Variants in JAKMIP1 observed in about 807,000 individuals in gnomAD.
JAKMIP1 encodes janus kinase and microtubule interacting protein 1, also known as janus kinase and microtubule-interacting protein 1.
A neutral mutation model predicts 113.0 loss-of-function variants in JAKMIP1; 33 were observed. The observed-to-expected ratio is 0.29, with a 90% CI of 0.22 to 0.39. The LOEUF (loss-of-function observed/expected upper bound fraction) is 0.39, where lower values mean the gene tolerates loss of function less well. Among genes scored for constraint, JAKMIP1 ranks in the 10% least tolerant of loss-of-function variants. JAKMIP1 has a pLI of 1.00. For missense variants in JAKMIP1, 813 were observed against 1,080.5 expected (o/e 0.75, Z 3.47); for synonymous variants, 480 against 459.9 (o/e 1.04, Z -0.56).
rs534861170 is a variant in JAKMIP1, at chr4:6,162,367, T to C, written c.-148+37886A>G. On this transcript the variant is annotated intron_variant, in intron 1 of 20. Coordinates refer to ENST00000409021, the MANE Select transcript of JAKMIP1 (RefSeq NM_001099433.2). The surrounding 1 kb of genome is among the most constrained non-coding windows in gnomAD (Gnocchi z 5.6). ...AAGGCAGCCAGAGCCTGGGAAACTC[T>C]CGGCACCCATTTTAGCCCAACCCTG... Among the ~76,000 whole-genome samples, 14 of 152,228 alleles carry C rather than the reference T, an allele frequency of 9.2e-5. No individual in the cohort carries two copies. The highest frequency in any genetic ancestry group is 3.1e-4 in the African/African-American group (13 of 41,544).
At chr4:6,112,592 G>T in intron 2 of JAKMIP1, 130 bp downstream of exon 2, 1 of 1,094,734 alleles carries the variant, frequency 9.1e-7, no homozygotes, top group Non-Finnish European at 1.3e-6. Flanking sequence ...CAGACAGCAG[G>T]GCAGAGAGGT....
At position 6,050,694 on chromosome 4, in the gene JAKMIP1, C is replaced by T. The variant is rs759171820; in HGVS notation, c.1807-15G>A. 12 of 1,541,176 alleles carry T rather than the reference C, an allele frequency of 7.8e-6. No individual in the cohort carries two copies. In the South Asian group the frequency reaches 9.5e-5, roughly 12 times the overall value. On this transcript the variant is annotated splice_polypyrimidine_tract_variant and intron_variant, in intron 13 of 20. Coordinates refer to ENST00000409021, the MANE Select transcript of JAKMIP1 (RefSeq NM_001099433.2). The surrounding 1 kb of genome is among the most constrained non-coding windows in gnomAD (Gnocchi z 7.4). ...CTCTCTCTCTCCTGGGGAAAAGATT[C>T]GGTTTAAAAACAGAATGTGACCGGA...
At position 6,076,460 on chromosome 4, in the gene JAKMIP1, G is replaced by T. The variant is rs1265297276; in HGVS notation, c.1302+2479C>A. On this transcript the variant is annotated intron_variant, in intron 8 of 20. Coordinates refer to ENST00000409021, the MANE Select transcript of JAKMIP1 (RefSeq NM_001099433.2). The surrounding 1 kb of genome is among the most constrained non-coding windows in gnomAD (Gnocchi z 4.8). ...TGAAAAAATAATACCAACTATATGG[G>T]GTGGCTGTGAGAATTCAATGAGATT... Among the ~76,000 whole-genome samples the T allele has an allele frequency of 6.6e-6, 1 of 151,932 alleles. No individual in the cohort carries two copies. The highest frequency in any genetic ancestry group is 1.5e-5 in the Non-Finnish European group (1 of 68,018).
rs1716870816 is a variant in JAKMIP1, at chr4:6,059,002, T to G, written c.1644+1422A>C. On this transcript the variant is annotated intron_variant, in intron 11 of 20. Transcript: ENST00000409021. This position sits in a 1 kb window ranked among gnomAD's most constrained non-coding sequence, Gnocchi z 4.8. ...CTGCTTAATGTGTTAGGTATTATTATTAGCCCCATTTTAAAGATGAGGAAA... is the reference window on the plus strand; with the variant it reads ...CTGCTTAATGTGTTAGGTATTATTAGTAGCCCCATTTTAAAGATGAGGAAA... Among the ~76,000 whole-genome samples, 1 of 152,204 alleles carries G rather than the reference T, an allele frequency of 6.6e-6. No homozygotes were observed. Among genetic ancestry groups the G allele is most frequent in the African/African-American group, 2.4e-5 (1 of 41,442 alleles).
rs1485059071 is a variant in JAKMIP1, at chr4:6,150,829, C to T, written c.-147-37832G>A. On this transcript the variant is annotated intron_variant, in intron 1 of 20. Coordinates refer to ENST00000409021, the MANE Select transcript of JAKMIP1 (RefSeq NM_001099433.2). This position sits in a 1 kb window ranked among gnomAD's most constrained non-coding sequence, Gnocchi z 4.8. ...TCCGCATCCCAGCTTCAAGCTCCTC[C>T]ACTTGAGCAAGACAGTAATAATGTC... is the stretch of plus-strand genomic sequence containing the variant. Among the ~76,000 whole-genome samples, 1 of 152,186 alleles carries T rather than the reference C, an allele frequency of 6.6e-6. No homozygotes were observed. Among genetic ancestry groups the T allele is most frequent in the African/African-American group, 2.4e-5 (1 of 41,446 alleles).
chr4:6,049,410 G>A lies in JAKMIP1; in HGVS notation c.1962+409C>T, dbSNP rs1016748922. On this transcript the variant is annotated intron_variant, in intron 15 of 20. Transcript: ENST00000409021. This position sits in a 1 kb window ranked among gnomAD's most constrained non-coding sequence, Gnocchi z 7.0. ...GCTCCCTCTCGCTAATGGGGCCAGC[G>A]CCTCAGGCAGACAGCTCCTGTCCCT... Among the ~76,000 whole-genome samples, 3 of 152,190 alleles carry A rather than the reference G, an allele frequency of 2.0e-5. No individual in the cohort carries two copies. The highest frequency in any genetic ancestry group is 2.1e-4 in the South Asian group (1 of 4,828).
chr4:6,095,053 G>A (rs1711518542), intron 3 of JAKMIP1, among the ~76,000 whole-genome samples: 1 of 137,048 alleles, frequency 7.3e-6, no homozygotes, highest in Admixed American at 7.8e-5. Flanking sequence ...GAGGAAGGAA[G>A]GAAAGAAGGA....
chr4:6,093,695 T>G lies in JAKMIP1; in HGVS notation c.625-8066A>C, dbSNP rs979379336. On this transcript the variant is annotated intron_variant, in intron 3 of 20. Transcript: ENST00000409021. The surrounding 1 kb of genome is among the most constrained non-coding windows in gnomAD (Gnocchi z 4.6). ...TGTATTACAATGAATGATGTCCACC[T>G]GTACAGGGAGGTGTGGCTGCCGTGC... 1.8e-4 allele frequency among the ~76,000 whole-genome samples: 27 copies of G among 152,184 alleles called. No individual in the cohort carries two copies. Among genetic ancestry groups the G allele is most frequent in the Admixed American group, 1.6e-3 (25 of 15,280 alleles).
At position 6,093,301 on chromosome 4, in the gene JAKMIP1, G is replaced by A. The variant is rs1364285605; in HGVS notation, c.625-7672C>T. Among the ~76,000 whole-genome samples, 11 of 152,190 alleles carry A rather than the reference G, an allele frequency of 7.2e-5. No homozygotes were observed. The highest frequency in any genetic ancestry group is 2.9e-5 in the Non-Finnish European group (2 of 68,032). On this transcript the variant is annotated intron_variant, in intron 3 of 20. Transcript: ENST00000409021. The surrounding 1 kb of genome is among the most constrained non-coding windows in gnomAD (Gnocchi z 4.6). ...TAATCTGCTCACACTCCAGTTAACT[G>A]TAAGCGCTTTGCTGCCTGGAATCGT...
intron 1 of JAKMIP1, among the ~76,000 whole-genome samples, chr4:6,126,135 A>ATG (rs1717527945): frequency 6.8e-6 from 1 of 146,276 alleles, no homozygotes; most frequent in African/African-American, 2.6e-5. Context: ...AAACACACAA[A>ATG]CACAAACACA....
intron 13 of JAKMIP1, chr4:6,053,849 G>A (rs1235840679): frequency 2.4e-5 from 34 of 1,402,572 alleles, no homozygotes; most frequent in Admixed American, 2.3e-4. Flanking sequence ...GGGTGAGCAC[G>A]CTCTCCAGAA....
chr4:6,043,487 C>T (rs1250545338), intron 16 of JAKMIP1, among the ~76,000 whole-genome samples: 34 of 152,022 alleles, frequency 2.2e-4, no homozygotes, highest in Admixed American at 2.2e-3. Context: ...ATGTCTCATA[C>T]CCAGATCTGC....
At chr4:6,173,687 T>C (rs1039504957) in intron 1 of JAKMIP1, among the ~76,000 whole-genome samples, 6 of 152,246 alleles carry the variant, frequency 3.9e-5, no homozygotes, top group African/African-American at 1.4e-4. Flanking sequence ...TGTGTATTTC[T>C]ATCCTTGTGG....
intron 12 of JAKMIP1, among the ~76,000 whole-genome samples, chr4:6,055,760 G>T (rs1205339694): frequency 6.6e-6 from 1 of 151,518 alleles, no homozygotes; most frequent in African/African-American, 2.4e-5. Context: ...TTTCTGCAGG[G>T]TATCCCCAAA....
At chr4:6,110,630 G>C (rs930691910) in intron 2 of JAKMIP1, among the ~76,000 whole-genome samples, 2 of 143,354 alleles carry the variant, frequency 1.4e-5, no homozygotes, top group African/African-American at 5.1e-5. Context: ...GGTCATGTGA[G>C]CGTATGACAG....
chr4:6,084,749 G>C (rs183219741), intron 5 of JAKMIP1, 97 bp downstream of exon 5: 2 of 1,230,014 alleles, frequency 1.6e-6, no homozygotes, highest in South Asian at 4.3e-5. Flanking sequence ...GAACCAGAAG[G>C]CTTCTGCATT....
In JAKMIP1 at chr4:6,185,224, A is replaced by T. The variant is rs1412556548; in HGVS notation, c.-148+15029T>A. On this transcript the variant is annotated intron_variant, in intron 1 of 20. Coordinates refer to ENST00000409021, the MANE Select transcript of JAKMIP1 (RefSeq NM_001099433.2). The surrounding 1 kb of genome is among the most constrained non-coding windows in gnomAD (Gnocchi z 5.3). ...CAATTATCCCAATAAACTTCCTTTCATATATACATCTATCCTATCAGTTCT... is the reference window on the plus strand; with the variant it reads ...CAATTATCCCAATAAACTTCCTTTCTTATATACATCTATCCTATCAGTTCT... Among the ~76,000 whole-genome samples, 1 of 152,140 alleles carries T rather than the reference A, an allele frequency of 6.6e-6. No homozygotes were observed. Among genetic ancestry groups the T allele is most frequent in the African/African-American group, 2.4e-5 (1 of 41,424 alleles).
chr4:6,085,022 G>T (rs1212649338), intron 4 of JAKMIP1, 57 bp from the exon 5 acceptor site: 15 of 1,453,682 alleles, frequency 1.0e-5, no homozygotes, highest in Non-Finnish European at 1.3e-5. Context: ...CTTTGAAGAA[G>T]TTGTGTGGAG....
At chr4:6,046,792 G>A (rs529900205) in intron 16 of JAKMIP1, among the ~76,000 whole-genome samples, 6 of 152,320 alleles carry the variant, frequency 3.9e-5, no homozygotes, top group South Asian at 2.1e-4. Context: ...TGGGTCGGGC[G>A]TGGGGAGGGG....
Sources: allele counts gnomAD v4.1 joint callset (sites outside exome capture counted in the v4.1 genomes callset), GRCh38; gene constraint gnomAD v4.1.1; non-coding constraint Gnocchi (gnomAD v3.1); transcripts MANE v1.5; gene names NCBI Gene and HGNC (gene_info 2026-07-23, HGNC 2026-07-21).